Variants in KLHL2 observed in about 807,000 individuals in gnomAD.
KLHL2 encodes the protein kelch-like protein 2.
Under a neutral mutation model 75.8 loss-of-function variants are expected in KLHL2, and 15 were observed. The ratio of observed to expected loss-of-function variants is 0.20; its 90% CI spans 0.13 to 0.30. The LOEUF is 0.30. KLHL2 is among the 10% of genes least tolerant of loss of function. KLHL2 has a pLI of 1.00. For synonymous variants in KLHL2, 214 were observed against 251.9 expected (o/e 0.85, Z 1.42); for missense variants, 381 against 741.0 (o/e 0.51, Z 5.64).
intron 5 of KLHL2, among the ~76,000 whole-genome samples, chr4:165,270,369 G>A (rs1333641563): frequency 2.0e-5 from 3 of 152,220 alleles, no homozygotes; most frequent in South Asian, 2.1e-4. Flanking sequence ...CCTTGCTGCC[G>A]AGGAGCTGCG....
intron 9 of KLHL2, among the ~76,000 whole-genome samples, chr4:165,306,224 A>C (rs952175344): frequency 5.9e-5 from 9 of 152,184 alleles, no homozygotes; most frequent in African/African-American, 1.9e-4. Context: ...TGGATCCATA[A>C]TTTCTGTCTC....
In KLHL2 at chr4:165,279,276, C is replaced by G. The variant is rs559066511; in HGVS notation, c.545-15083C>G. 85 of 1,537,910 alleles carry G rather than the reference C, an allele frequency of 5.5e-5. No homozygotes were observed. The African/African-American group carries it at 1.1e-3, about 19-fold the overall frequency. ...CCTGGAATTCTTTTACTAAGACTCTCAACGGTAGACTGTGTTCTTAGATCA... is the reference window on the plus strand; with the variant it reads ...CCTGGAATTCTTTTACTAAGACTCTGAACGGTAGACTGTGTTCTTAGATCA... On this transcript the variant is annotated intron_variant, in intron 5 of 14. Transcript: ENST00000226725.
intron 14 of KLHL2, among the ~76,000 whole-genome samples, chr4:165,318,920 A>G (rs960740460): frequency 6.6e-6 from 1 of 152,244 alleles, no homozygotes; most frequent in African/African-American, 2.4e-5. Context: ...CTGTTTTATC[A>G]TTTACTACAA....
intron 3 of KLHL2, 107 bp from the exon 4 acceptor site, chr4:165,238,671 C>A: frequency 6.4e-7 from 1 of 1,557,670 alleles, no homozygotes; most frequent in African/African-American, 1.4e-5. Flanking sequence ...GATTATGCTG[C>A]CTGTTGAATA....
chr4:165,317,916 C>A lies in KLHL2; in HGVS notation c.1700C>A (p.Thr567Asn). Reference sequence around the variant, plus strand: ...TCAGTAGAATATTATAACCCAACAACCGATAAATGGACAGTTGTGTCATCG... The same window carrying A: ...TCAGTAGAATATTATAACCCAACAAACGATAAATGGACAGTTGTGTCATCG... ...LASVEYYNPT[T>N]DKWTVVSSCM... Residue 567 changes from threonine (T) to asparagine (N), a missense_variant, in exon 14 of 15, where the codon ACC becomes AAC. Thr to Asn is a moderately conservative substitution (Grantham distance 65). This residue lies in a region of KLHL2 where 168 missense variants were observed against 370.4 expected (regional missense o/e 0.45). Coordinates refer to ENST00000226725, the MANE Select transcript of KLHL2 (RefSeq NM_007246.4). 1 of 1,613,882 alleles carries A rather than the reference C, an allele frequency of 6.2e-7. No individual in the cohort carries two copies. The highest frequency in any genetic ancestry group is 8.5e-7 in the Non-Finnish European group (1 of 1,179,874).
intron 3 of KLHL2, among the ~76,000 whole-genome samples, chr4:165,235,355 C>T (rs1394131910): frequency 6.6e-6 from 1 of 152,142 alleles, no homozygotes; most frequent in Non-Finnish European, 1.5e-5. Context: ...CATGTACCAG[C>T]ATGCCTGGCT....
At chr4:165,212,615 A>T (rs945132062) in intron 1 of KLHL2, among the ~76,000 whole-genome samples, 1 of 152,196 alleles carries the variant, frequency 6.6e-6, no homozygotes, top group Non-Finnish European at 1.5e-5. Context: ...TAGGTTGCTA[A>T]ATGTGATTTG....
intron 5 of KLHL2, among the ~76,000 whole-genome samples, chr4:165,267,538 T>G (rs1288610976): frequency 6.6e-6 from 1 of 152,232 alleles, no homozygotes; most frequent in Non-Finnish European, 1.5e-5. Flanking sequence ...TTGAATTTTG[T>G]CAAAGGCCTT....
In KLHL2 at chr4:165,207,931, G is replaced by A. The variant is rs752115577; in HGVS notation, c.26+29G>A. ...AGTGAGCGGGCGGGCGGGCTGCGCC[G>A]CTGCGGATAAGCGCGCCGCTGCGGC... On this transcript the variant is annotated intron_variant, in intron 1 of 14. Transcript: ENST00000226725. This position sits in a 1 kb window ranked among gnomAD's most constrained non-coding sequence, Gnocchi z 4.2. 21 of 1,389,284 alleles carry A rather than the reference G, an allele frequency of 1.5e-5. No individual in the cohort carries two copies. Among genetic ancestry groups the A allele is most frequent in the Non-Finnish European group, 2.8e-6 (3 of 1,063,656 alleles). The allele number at this position is 1,389,284 out of a possible 1,614,324, so 86.1% of individuals were successfully genotyped here.
rs189191532 is a variant in KLHL2 at position 165,274,177 on chromosome 4, T to C, written c.544+10818T>C. ...AAGGGAAGAAATAAATAGCAATAGA[T>C]GACTCAATACATACATACATATATA... On this transcript the variant is annotated intron_variant, in intron 5 of 14. Transcript: ENST00000226725. Among the ~76,000 whole-genome samples the C allele has an allele frequency of 1.9e-3, 292 of 152,134 alleles. 2 individuals are homozygous for C. The highest frequency in any genetic ancestry group is 0.01 in the Middle Eastern group (3 of 294).
intron 5 of KLHL2, among the ~76,000 whole-genome samples, chr4:165,274,342 G>T (rs1321234199): frequency 1.3e-5 from 2 of 152,144 alleles, no homozygotes; most frequent in Admixed American, 6.5e-5. Context: ...GGGCGCAGTG[G>T]CTCATGCCTG....
chr4:165,223,578 G>A (rs955888665), intron 2 of KLHL2, among the ~76,000 whole-genome samples: 1 of 152,208 alleles, frequency 6.6e-6, no homozygotes, highest in Non-Finnish European at 1.5e-5. Context: ...TAGGAAGCAA[G>A]AGAAGAGCAG....
chr4:165,221,498 T>C (rs1282017756), intron 2 of KLHL2, among the ~76,000 whole-genome samples: 1 of 152,174 alleles, frequency 6.6e-6, no homozygotes, highest in Non-Finnish European at 1.5e-5. Flanking sequence ...ACAGTGTTGC[T>C]GCAGTGCACG....
Position 165,245,068 on chromosome 4 carries a change from C to T in KLHL2, c.381+6169C>T, listed in dbSNP as rs765771691. ...ACTAAAATTACAAAAGTTAGCCAGGCGTGGTGGTGCACACTTGTGGTCCCA... is the reference window on the plus strand; with the variant it reads ...ACTAAAATTACAAAAGTTAGCCAGGTGTGGTGGTGCACACTTGTGGTCCCA... On this transcript the variant is annotated intron_variant, in intron 4 of 14. Transcript: ENST00000226725. 3.5e-4 allele frequency among the ~76,000 whole-genome samples: 54 copies of T among 152,172 alleles called. 1 individual carries two copies. Among genetic ancestry groups the T allele is most frequent in the Middle Eastern group, 3.4e-3 (1 of 294 alleles).
chr4:165,274,787 A>G (rs914979854), intron 5 of KLHL2, among the ~76,000 whole-genome samples: 4 of 152,246 alleles, frequency 2.6e-5, no homozygotes, highest in African/African-American at 7.2e-5. Context: ...TTCCATGGAG[A>G]TCTCTTCCAT....
chr4:165,225,710 C>T (rs1198361715), intron 2 of KLHL2, among the ~76,000 whole-genome samples: 1 of 152,210 alleles, frequency 6.6e-6, no homozygotes, highest in African/African-American at 2.4e-5. Flanking sequence ...CACTGATATA[C>T]ACTCATTTTA....
At chr4:165,306,605 A>G (rs1289104229) in intron 9 of KLHL2, among the ~76,000 whole-genome samples, 2 of 152,216 alleles carry the variant, frequency 1.3e-5, no homozygotes, top group Non-Finnish European at 2.9e-5. Context: ...TAAACTCCTG[A>G]CAGTACTTTG....
intron 3 of KLHL2, among the ~76,000 whole-genome samples, chr4:165,237,531 C>T (rs1294829089): frequency 2.0e-5 from 3 of 151,750 alleles, no homozygotes; most frequent in Non-Finnish European, 4.4e-5. Context: ...CAGTTTTGTA[C>T]ACCACTATTG....
Position 165,297,743 on chromosome 4 carries a change from A to G in KLHL2, c.771+18A>G, listed in dbSNP as rs1226072655. 2 of 1,394,734 alleles carry G rather than the reference A, an allele frequency of 1.4e-6. No homozygotes were observed. The highest frequency in any genetic ancestry group is 2.3e-5 in the East Asian group (1 of 43,862). 86.4% of individuals were successfully genotyped at this position (1,394,734 alleles called of 1,614,324 possible). On this transcript the variant is annotated intron_variant, in intron 7 of 14. Coordinates refer to ENST00000226725, the MANE Select transcript of KLHL2 (RefSeq NM_007246.4). ...TAGTTCAGGTAAATGCATATGCAAA[A>G]CATATGAATCCACACAGCACTGTGT...
Sources: gnomAD v4.1 joint callset for allele counts (sites outside exome capture counted in the v4.1 genomes callset) on GRCh38, gnomAD v4.1.1 for gene constraint, gnomAD v4.1.1 regional missense constraint, Gnocchi (gnomAD v3.1) non-coding constraint, MANE v1.5 for transcripts, NCBI Gene and HGNC (gene_info 2026-07-23, HGNC 2026-07-21) for gene names.